Variants in ZNF286A observed in about 807,000 individuals in gnomAD.
ZNF286A encodes the protein zinc finger protein ZNF286.
A neutral mutation model predicts 49.3 loss-of-function variants in ZNF286A; 34 were observed. The observed-to-expected ratio is 0.69, with a 90% CI of 0.52 to 0.92. The LOEUF (loss-of-function observed/expected upper bound fraction) is 0.92, where lower values mean the gene tolerates loss of function less well. ZNF286A is among the 40% of genes least tolerant of loss of function. The pLI is 0.00. For missense variants in ZNF286A, 462 were observed against 600.2 expected, an observed-to-expected ratio of 0.77 and a Z score of 2.41; for synonymous variants, 155 against 200.4, an observed-to-expected ratio of 0.77 and a Z score of 1.91.
At chr17:15,713,050 A>G (rs1000550436) in intron 5 of ZNF286A, among the ~76,000 whole-genome samples, 1 of 152,204 alleles carries the variant, frequency 6.6e-6, no homozygotes, top group Non-Finnish European at 1.5e-5. Flanking sequence ...AATAGTTACT[A>G]TACTACAAGT....
At chr17:15,703,075 AT>A (rs1989910958) in intron 3 of ZNF286A, among the ~76,000 whole-genome samples, 1 of 152,116 alleles carries the variant, frequency 6.6e-6, no homozygotes, top group Non-Finnish European at 1.5e-5. Context: ...CCTGGATGAG[AT>A]ATTGGCCAAA....
chr17:15,701,129 C>T (rs775739598), intron 2 of ZNF286A, 23 bp from the exon 3 acceptor site: 3 of 1,613,288 alleles, frequency 1.9e-6, no homozygotes, highest in Non-Finnish European at 1.7e-6. Context: ...TAGGTCTCAT[C>T]ATTACTGCTT....
At chr17:15,711,177 G>T (rs1448063725) in intron 5 of ZNF286A, among the ~76,000 whole-genome samples, 1 of 152,062 alleles carries the variant, frequency 6.6e-6, no homozygotes, top group Non-Finnish European at 1.5e-5. Flanking sequence ...CTCCCAAAGT[G>T]CTGGGATTAC....
rs1262358447 is a variant in ZNF286A, at chr17:15,717,863, A to G, written c.*573A>G. On this transcript the variant is annotated 3_prime_UTR_variant, in exon 6 of 6. Coordinates refer to ENST00000583566, the MANE Select transcript of ZNF286A (RefSeq NM_001130842.2). ...CAAGCTGCTGTCTATGTTGATGACC[A>G]TAACTGGGATGTATAATATTTACAG... is the stretch of plus-strand genomic sequence containing the variant. 1.3e-5 allele frequency: 2 copies of G among 153,844 alleles called. No individual in the cohort carries two copies. The highest frequency in any genetic ancestry group is 2.9e-5 in the Non-Finnish European group (2 of 69,476). 9.5% of individuals were successfully genotyped at this position (153,844 alleles called of 1,614,324 possible). A position where few individuals can be genotyped will look rare whatever the true frequency, so the allele number is the denominator to read the frequency against.
rs1439180626 is a variant in ZNF286A at position 15,716,526 on chromosome 17, G to A, written c.802G>A (p.Glu268Lys). 3.7e-6 allele frequency: 6 copies of A among 1,614,092 alleles called. No individual in the cohort carries two copies. The highest frequency in any genetic ancestry group is 5.1e-6 in the Non-Finnish European group (6 of 1,180,002). Residue 268 changes from glutamate to lysine, a missense_variant, in exon 6 of 6, where the codon GAG becomes AAG. Glu to Lys is a moderately conservative substitution (Grantham distance 56, BLOSUM62 1). Coordinates refer to ENST00000583566, the MANE Select transcript of ZNF286A (RefSeq NM_001130842.2). ...LIRHQRVHTGEKPYTCNECGK... is the reference protein window; with the variant it reads ...LIRHQRVHTGKKPYTCNECGK... The stretch of plus-strand genomic sequence containing the variant: ...TCGACACCAGAGAGTCCATACTGGA[G>A]AGAAACCCTATACCTGCAATGAATG...
chr17:15,710,141 TGG>T (rs1338921539), intron 5 of ZNF286A, among the ~76,000 whole-genome samples: 4 of 152,224 alleles, frequency 2.6e-5, no homozygotes, highest in Admixed American at 1.3e-4. Flanking sequence ...TCTCTTGATT[TGG>T]TGGAGTTCTT....
chr17:15,706,502 G>A lies in ZNF286A; in HGVS notation c.241+1G>A, dbSNP rs763606346. 6.3e-7 allele frequency: 1 copy of A among 1,591,246 alleles called. No individual in the cohort carries two copies. On this transcript the variant is annotated splice_donor_variant, in intron 4 of 5. Transcript: ENST00000583566. LOFTEE classifies it high-confidence loss of function. The stretch of plus-strand genomic sequence containing the variant: ...AACTATAGGAACCTAGTCTCACTTT[G>A]TAAGAATGGATTGTGATTCTGGAAT...
At chr17:15,712,669 A>T (rs943940791) in intron 5 of ZNF286A, among the ~76,000 whole-genome samples, 2 of 152,012 alleles carry the variant, frequency 1.3e-5, no homozygotes, top group Non-Finnish European at 2.9e-5. Context: ...ATTTTCCTTC[A>T]TATATTTTTT....
chr17:15,700,945 A>C (rs1989723007), intron 2 of ZNF286A, among the ~76,000 whole-genome samples: 1 of 138,798 alleles, frequency 7.2e-6, no homozygotes, highest in Admixed American at 7.2e-5. Flanking sequence ...ATGTGTTATG[A>C]TTATAGCAAC....
rs1035677772 is a variant in ZNF286A at position 15,717,563 on chromosome 17, A to G, written c.*273A>G. ...ATTCAAGAAGTCCCTGAGAGTAGGT[A>G]GCAGTACGAACATTGTGAAATCCAG... is the stretch of plus-strand genomic sequence containing the variant. On this transcript the variant is annotated 3_prime_UTR_variant, in exon 6 of 6. Coordinates refer to ENST00000583566, the MANE Select transcript of ZNF286A (RefSeq NM_001130842.2). The G allele has an allele frequency of 1.0e-5, 5 of 487,670 alleles. No homozygotes were observed. The Admixed American group carries it at 1.2e-4, about 11-fold the overall frequency. 30.2% of individuals were successfully genotyped at this position (487,670 alleles called of 1,614,324 possible).
chr17:15,712,397 A>G lies in ZNF286A; in HGVS notation c.335-3662A>G, dbSNP rs547374582. Among the ~76,000 whole-genome samples the G allele has an allele frequency of 2.9e-4, 44 of 152,314 alleles. No homozygotes were observed. The East Asian group carries it at 7.9e-3, about 27-fold the overall frequency. ...AGAGCTCTCCTCAGGGCTGTTCTCA[A>G]CATCTTAACTATTTGATTCCTTTGT... On this transcript the variant is annotated intron_variant, in intron 5 of 5. Transcript: ENST00000583566.
intron 5 of ZNF286A, among the ~76,000 whole-genome samples, chr17:15,712,981 T>C (rs1425785828): frequency 6.6e-6 from 1 of 152,184 alleles, no homozygotes; most frequent in East Asian, 1.9e-4. Flanking sequence ...GGACCTACTG[T>C]AACTATAAAA....
intron 3 of ZNF286A, among the ~76,000 whole-genome samples, chr17:15,703,005 C>G (rs1237688443): frequency 3.9e-5 from 6 of 152,258 alleles, no homozygotes; most frequent in African/African-American, 1.4e-4. Flanking sequence ...AGGGCAGATT[C>G]TCTTCTAGTC....
At chr17:15,708,075 C>A in intron 4 of ZNF286A, 80 bp from the exon 5 acceptor site, 1 of 970,040 alleles carries the variant, frequency 1.0e-6, no homozygotes, top group Non-Finnish European at 1.4e-6. Flanking sequence ...AACAATTCAA[C>A]TGGCTTGAAG....
At chr17:15,704,507 C>T in intron 3 of ZNF286A, 1 of 1,614,044 alleles carries the variant, frequency 6.2e-7, no homozygotes, top group Non-Finnish European at 8.5e-7. Context: ...CGGCCCGCCT[C>T]CTCGTTGAGT....
At position 15,706,174 on chromosome 17, in the gene ZNF286A, T is replaced by C. The variant is rs73978511; in HGVS notation, c.127-213T>C. ...CCAGGGTCATCTTTTGGTTCTCATATTGAATCTAGCATAATATGCCTGGTA... is the reference window on the plus strand; with the variant it reads ...CCAGGGTCATCTTTTGGTTCTCATACTGAATCTAGCATAATATGCCTGGTA... On this transcript the variant is annotated intron_variant, in intron 3 of 5. Coordinates refer to ENST00000583566, the MANE Select transcript of ZNF286A (RefSeq NM_001130842.2). Among the ~76,000 whole-genome samples the C allele has an allele frequency of 6.4e-3, 977 of 152,322 alleles. 9 individuals are homozygous for C. Among genetic ancestry groups the C allele is most frequent in the African/African-American group, 0.023 (939 of 41,576 alleles).
At chr17:15,710,173 T>C (rs553226874) in intron 5 of ZNF286A, among the ~76,000 whole-genome samples, 2 of 152,318 alleles carry the variant, frequency 1.3e-5, no homozygotes, top group East Asian at 3.9e-4. Context: ...TAGGTACTAA[T>C]CTATGACAGA....
rs1220256973 is a variant in ZNF286A at position 15,719,068 on chromosome 17, C to A, written c.*1778C>A. 8.3e-6 allele frequency: 1 copy of A among 120,124 alleles called. No individual in the cohort carries two copies. The highest frequency in any genetic ancestry group is 1.7e-5 in the Non-Finnish European group (1 of 57,842). 7.4% of individuals were successfully genotyped at this position (120,124 alleles called of 1,614,324 possible). Reference sequence around the variant, plus strand: ...CCAGTCACCTTGCACCAGGCCCCACCTCCCACATTGGGGATTACAATTAAA... The same window carrying A: ...CCAGTCACCTTGCACCAGGCCCCACATCCCACATTGGGGATTACAATTAAA... On this transcript the variant is annotated 3_prime_UTR_variant, in exon 6 of 6. Coordinates refer to ENST00000583566, the MANE Select transcript of ZNF286A (RefSeq NM_001130842.2).
intron 4 of ZNF286A, among the ~76,000 whole-genome samples, chr17:15,707,335 G>A (rs1321868646): frequency 6.6e-6 from 1 of 151,876 alleles, no homozygotes; most frequent in Non-Finnish European, 1.5e-5. Context: ...AGCTACTCGG[G>A]AGGCTGAGGC....
Sources: allele counts gnomAD v4.1 joint callset (sites outside exome capture counted in the v4.1 genomes callset), GRCh38; gene constraint gnomAD v4.1.1; transcripts MANE v1.5; gene names NCBI Gene and HGNC (gene_info 2026-07-23, HGNC 2026-07-21).